Variants in UBN2 observed in about 807,000 individuals in gnomAD.
The protein encoded by UBN2 is ubinuclein 2.
In UBN2, 35 loss-of-function variants were observed where a neutral mutation model predicts 120.2. The observed-to-expected ratio is 0.29, with a 90% CI of 0.22 to 0.39. The LOEUF is 0.39. Among genes scored for constraint, UBN2 ranks in the 10% least tolerant of loss-of-function variants. The pLI is 1.00. For synonymous variants in UBN2, 661 were observed against 648.7 expected, an observed-to-expected ratio of 1.02 and a Z score of -0.29; for missense variants, 1,693 against 1,663.2, an observed-to-expected ratio of 1.02 and a Z score of -0.31.
At chr7:139,233,727 C>CT (rs1348196808) in intron 1 of UBN2, among the ~76,000 whole-genome samples, 1 of 152,076 alleles carries the variant, frequency 6.6e-6, no homozygotes, top group Non-Finnish European at 1.5e-5. Context: ...TATTATGTCT[C>CT]TGTTTATGCT....
At chr7:139,281,099 G>A (rs1797595164) in intron 13 of UBN2, among the ~76,000 whole-genome samples, 1 of 152,090 alleles carries the variant, frequency 6.6e-6, no homozygotes, top group Non-Finnish European at 1.5e-5. Context: ...TAAAGGATTG[G>A]TTACATTTTG....
chr7:139,293,416 C>T lies in UBN2; in HGVS notation c.3854C>T (p.Thr1285Ile). ...GFGTDTAGVTTTSGSTSAAFH... is the reference protein window; with the variant it reads ...GFGTDTAGVTITSGSTSAAFH... ...GGAACGGACACAGCTGGAGTGACAACCACCTCGGGATCTACCTCAGCCGCT... is the reference window on the plus strand; with the variant it reads ...GGAACGGACACAGCTGGAGTGACAATCACCTCGGGATCTACCTCAGCCGCT... The change falls in exon 16 of 18, where the codon ACC becomes ATC. Residue 1285 changes from threonine to isoleucine, a missense_variant. Physicochemically the swap from Thr to Ile is moderately conservative, Grantham distance 89. Transcript: ENST00000473989. 1 of 1,614,172 alleles carries T rather than the reference C, an allele frequency of 6.2e-7. No individual in the cohort carries two copies. The highest frequency in any genetic ancestry group is 1.1e-5 in the South Asian group (1 of 91,090).
the UBN2 span, among the ~76,000 whole-genome samples, chr7:139,314,807 C>T: frequency 6.6e-6 from 1 of 150,518 alleles, no homozygotes; most frequent in East Asian, 2.0e-4. Context: ...ATTGTAACCT[C>T]CAGTGTGTTT....
chr7:139,326,098 T>G, the UBN2 span, among the ~76,000 whole-genome samples: 3 of 151,442 alleles, frequency 2.0e-5, no homozygotes, highest in Non-Finnish European at 4.4e-5. Context: ...TCTACTAAAA[T>G]TACAAAAATT....
chr7:139,324,762 G>C, the UBN2 span, among the ~76,000 whole-genome samples: 1,218 of 152,108 alleles, frequency 8.0e-3, 8 homozygotes, highest in Non-Finnish European at 0.013. Context: ...CCTCAGGTCA[G>C]AAGTTCGAAA....
chr7:139,292,334 CTTAT>C (rs1325056410), intron 15 of UBN2, among the ~76,000 whole-genome samples: 1 of 152,144 alleles, frequency 6.6e-6, no homozygotes, highest in East Asian at 1.9e-4. Flanking sequence ...TGGCATATTT[CTTAT>C]TTATTTTTTT....
chr7:139,327,937 G>A, the UBN2 span, among the ~76,000 whole-genome samples: 1 of 152,136 alleles, frequency 6.6e-6, no homozygotes, highest in Non-Finnish European at 1.5e-5. Flanking sequence ...AATCCCTCCT[G>A]TGTATTTGCC....
rs772890365 is a variant in UBN2, at chr7:139,301,447, CTG to C, written c.*3612_*3613del. 4.6e-5 allele frequency: 7 copies of C among 152,170 alleles called. No individual in the cohort carries two copies. Among genetic ancestry groups the C allele is most frequent in the Admixed American group, 6.5e-5 (1 of 15,280 alleles). The allele number at this position is 152,170 out of a possible 1,614,324, so 9.4% of individuals were successfully genotyped here. ...CAAACTGCCATTGGTTATGAGAACT[CTG>C]CGTCCTTTGGGATCATCTCTTAGAA... On this transcript the variant is annotated 3_prime_UTR_variant, in exon 18 of 18. Transcript: ENST00000473989.
intron 6 of UBN2, 44 bp downstream of exon 6, chr7:139,261,785 T>G: frequency 1.3e-6 from 2 of 1,563,804 alleles, no homozygotes; most frequent in Admixed American, 1.8e-5. Flanking sequence ...TGCACAAACA[T>G]AAGAATTAAT....
At chr7:139,287,972 C>T (rs1797840386) in intron 15 of UBN2, among the ~76,000 whole-genome samples, 1 of 152,204 alleles carries the variant, frequency 6.6e-6, no homozygotes, top group Admixed American at 6.5e-5. Flanking sequence ...TAAACTCCTT[C>T]TGGGTTCAGG....
chr7:139,240,454 A>ATATATTTTTT (rs371717591), intron 2 of UBN2, among the ~76,000 whole-genome samples: 2 of 123,148 alleles, frequency 1.6e-5, no homozygotes, highest in African/African-American at 6.4e-5. Flanking sequence ...ATATATATAT[A>ATATATTTTTT]TTTTTTTTTT....
chr7:139,323,552 C>CCTGATTA, the UBN2 span, among the ~76,000 whole-genome samples: 1 of 142,824 alleles, frequency 7.0e-6, no homozygotes, highest in Non-Finnish European at 1.5e-5. Context: ...AGCTTCTGGA[C>CCTGATTA]CTGATTATTA....
intron 6 of UBN2, among the ~76,000 whole-genome samples, chr7:139,262,830 T>C (rs2130986948): frequency 6.6e-6 from 1 of 152,246 alleles, no homozygotes; most frequent in Non-Finnish European, 1.5e-5. Context: ...GTAGGTGGCA[T>C]AGGTTTTTTT....
chr7:139,256,249 G>A (rs1020965771), intron 3 of UBN2, among the ~76,000 whole-genome samples: 7 of 152,162 alleles, frequency 4.6e-5, no homozygotes, highest in South Asian at 2.1e-4. Flanking sequence ...TCACTCCCAC[G>A]TGAAGCTGCT....
intron 2 of UBN2, 55 bp downstream of exon 2, chr7:139,237,152 T>TAAACTGATCACTTAGGTAATTTTA: frequency 3.0e-6 from 4 of 1,345,820 alleles, no homozygotes; most frequent in Non-Finnish European, 4.2e-6. Context: ...CCTGTTTGCT[T>TAAACTGATCACTTAGGTAATTTTA]TCTGTGGCTG....
intron 2 of UBN2, among the ~76,000 whole-genome samples, chr7:139,238,242 C>G: frequency 6.6e-6 from 1 of 152,066 alleles, no homozygotes; most frequent in East Asian, 1.9e-4. Context: ...GGGCCTTGTA[C>G]CCTCAAGATA....
the UBN2 span, among the ~76,000 whole-genome samples, chr7:139,323,151 C>T: frequency 6.6e-6 from 1 of 152,066 alleles, no homozygotes; most frequent in Non-Finnish European, 1.5e-5. Flanking sequence ...AGCCATGAAA[C>T]TCTCATATAC....
At chr7:139,264,054 T>G (rs888222205) in intron 6 of UBN2, among the ~76,000 whole-genome samples, 2 of 152,208 alleles carry the variant, frequency 1.3e-5, no homozygotes, top group African/African-American at 2.4e-5. Flanking sequence ...TTTGATACTT[T>G]TTATGACCTG....
At chr7:139,279,511 A>G (rs1585019015) in intron 13 of UBN2, 151 bp downstream of exon 13, 1 of 591,472 alleles carries the variant, frequency 1.7e-6, no homozygotes, top group South Asian at 2.5e-5. Context: ...GTACTTTTGT[A>G]TTTGGGAGAA....
Sources: gnomAD v4.1 joint callset for allele counts (sites outside exome capture counted in the v4.1 genomes callset) on GRCh38, gnomAD v4.1.1 for gene constraint, MANE v1.5 for transcripts, NCBI Gene and HGNC (gene_info 2026-07-23, HGNC 2026-07-21) for gene names.